The following SLC8A1 variants were observed in gnomAD, a reference collection of about 807,000 sequenced individuals.
SLC8A1 encodes the protein solute carrier family 8 member A1, also known as sodium/calcium exchanger 1.
SLC8A1 carries 18 observed loss-of-function variants against 68.3 expected under a neutral mutation model. The observed-to-expected ratio is 0.26, with a 90% confidence interval of 0.18 to 0.39. The LOEUF (loss-of-function observed/expected upper bound fraction) is 0.39. SLC8A1 is among the 10% of genes least tolerant of loss of function. The pLI, the probability that SLC8A1 is intolerant of heterozygous loss-of-function variation, is 1.00. For missense variants in SLC8A1, 985 were observed against 1,156.7 expected (o/e 0.85, Z 2.15); for synonymous variants, 475 against 415.5 (o/e 1.14, Z -1.74).
rs533366171 is a variant in SLC8A1, at chr2:40,126,792, G to T, written c.2438-11163C>A. ...CTTCTCAGCAGTGTTCATCCTCTGTGCTACCTGAAAGTTTATCATCTGTTT... is the reference window on the plus strand; with the variant it reads ...CTTCTCAGCAGTGTTCATCCTCTGTTCTACCTGAAAGTTTATCATCTGTTT... On this transcript the variant is annotated intron_variant, in intron 7 of 7. Coordinates refer to ENST00000406785, the Ensembl canonical transcript of SLC8A1. Among the ~76,000 whole-genome samples the T allele has an allele frequency of 2.0e-5, 3 of 152,184 alleles. No individual in the cohort carries two copies. In the South Asian group the frequency reaches 6.2e-4, roughly 32 times the overall value.
At chr2:40,211,274 A>G (rs557045020) in intron 2 of SLC8A1, among the ~76,000 whole-genome samples, 3 of 152,304 alleles carry the variant, frequency 2.0e-5, no homozygotes, top group African/African-American at 7.2e-5. Flanking sequence ...TTCTTCCTAT[A>G]AAGTTTTCTA....
Position 40,472,048 on chromosome 2 carries a change from C to G in SLC8A1, c.-25+40301G>C, listed in dbSNP as rs564285614. Among the ~76,000 whole-genome samples, 6 of 152,194 alleles carry G rather than the reference C, an allele frequency of 3.9e-5. No individual in the cohort carries two copies. The East Asian group carries it at 1.2e-3, about 29-fold the overall frequency. ...GAACAAACATGACCTATGTCTGAAC[C>G]GGGGGAATTGTAAACATGGGGCATG... On this transcript the variant is annotated intron_variant, in intron 1 of 7. Coordinates refer to the SLC8A1 transcript ENST00000402441.
chr2:40,371,602 C>A lies in SLC8A1; in HGVS notation c.1808+56871G>T, dbSNP rs563626634. Among the ~76,000 whole-genome samples the A allele has an allele frequency of 5.3e-5, 8 of 152,222 alleles. No individual in the cohort carries two copies. In the East Asian group the frequency reaches 1.6e-3, roughly 30 times the overall value. On this transcript the variant is annotated intron_variant, in intron 2 of 7. Transcript: ENST00000406785. The stretch of plus-strand genomic sequence containing the variant: ...AAGCACAATACATAGTCAACTTGCA[C>A]ATAGTGAATGCTCAATAAATCCTAG...
chr2:40,444,141 C>G (rs1701010526), intron 1 of SLC8A1, among the ~76,000 whole-genome samples: 1 of 152,078 alleles, frequency 6.6e-6, no homozygotes, highest in Non-Finnish European at 1.5e-5. Flanking sequence ...CAAGACCAGT[C>G]TGGGCAACAT....
intron 2 of SLC8A1, among the ~76,000 whole-genome samples, chr2:40,267,535 G>T (rs1055206440): frequency 6.6e-6 from 1 of 152,170 alleles, no homozygotes; most frequent in African/African-American, 2.4e-5. Flanking sequence ...CCTCAACTCA[G>T]TTGTAAGCTT....
At chr2:40,156,431 T>C (rs1219809245) in intron 6 of SLC8A1, among the ~76,000 whole-genome samples, 2 of 151,026 alleles carry the variant, frequency 1.3e-5, no homozygotes, top group African/African-American at 2.4e-5. Flanking sequence ...ATGTCTGATA[T>C]GCAAATGGAT....
chr2:40,243,260 T>C (rs1330109839), intron 2 of SLC8A1, among the ~76,000 whole-genome samples: 2 of 152,144 alleles, frequency 1.3e-5, no homozygotes, highest in Non-Finnish European at 2.9e-5. Flanking sequence ...AGTGGGTGGA[T>C]TGCTTGAGCC....
At chr2:40,417,055 T>G (rs1330322440) in intron 2 of SLC8A1, among the ~76,000 whole-genome samples, 1 of 152,138 alleles carries the variant, frequency 6.6e-6, no homozygotes, top group Non-Finnish European at 1.5e-5. Context: ...CATTTTAAAA[T>G]GTCTTAGGTT....
intron 2 of SLC8A1, among the ~76,000 whole-genome samples, chr2:40,412,230 C>T (rs1692364767): frequency 6.6e-6 from 1 of 152,040 alleles, no homozygotes; most frequent in Non-Finnish European, 1.5e-5. Context: ...CAACTGCGAC[C>T]ATGTCTATAA....
chr2:40,445,574 T>C (rs553612225), intron 1 of SLC8A1, among the ~76,000 whole-genome samples: 8 of 152,344 alleles, frequency 5.3e-5, no homozygotes, highest in Non-Finnish European at 1.2e-4. Context: ...ATTTGCTTAT[T>C]TGTAAAATAT....
chr2:40,309,069 A>G (rs1403917782), intron 2 of SLC8A1, among the ~76,000 whole-genome samples: 1 of 151,834 alleles, frequency 6.6e-6, no homozygotes, highest in Non-Finnish European at 1.5e-5. Context: ...TTTGCAGTGA[A>G]AAAAAAAGCT....
chr2:40,400,969 C>T (rs911405406), intron 2 of SLC8A1, among the ~76,000 whole-genome samples: 1 of 152,172 alleles, frequency 6.6e-6, no homozygotes, highest in African/African-American at 2.4e-5. Flanking sequence ...GGAAGCCACA[C>T]AGAATTTTGG....
chr2:40,396,567 T>G (rs540316128), intron 2 of SLC8A1, among the ~76,000 whole-genome samples: 160 of 152,062 alleles, frequency 1.1e-3, no homozygotes, highest in African/African-American at 3.6e-3. Flanking sequence ...CTTTTTCAAT[T>G]ATGTACATAA....
chr2:40,481,543 G>C (rs1341817469), intron 1 of SLC8A1, among the ~76,000 whole-genome samples: 1 of 152,130 alleles, frequency 6.6e-6, no homozygotes, highest in Non-Finnish European at 1.5e-5. Context: ...TCTGATAACT[G>C]TTAGATCCTT....
At chr2:40,337,300 G>A in intron 2 of SLC8A1, 1 of 351,360 alleles carries the variant, frequency 2.8e-6, no homozygotes, top group Non-Finnish European at 6.4e-6. Context: ...GTATGTTTAT[G>A]CATCATCATA....
chr2:40,140,635 A>G (rs1003205348), intron 6 of SLC8A1, among the ~76,000 whole-genome samples: 2 of 152,232 alleles, frequency 1.3e-5, no homozygotes, highest in African/African-American at 4.8e-5. Context: ...AAGTTTGAGA[A>G]CCGCTTTTCT....
At chr2:40,279,665 A>G (rs1049779096) in intron 2 of SLC8A1, among the ~76,000 whole-genome samples, 2 of 152,206 alleles carry the variant, frequency 1.3e-5, no homozygotes, top group African/African-American at 4.8e-5. Flanking sequence ...TGTGCTCTGG[A>G]AATCCTATTT....
chr2:40,185,105 A>G (rs1244967300), intron 2 of SLC8A1, among the ~76,000 whole-genome samples: 5 of 152,184 alleles, frequency 3.3e-5, no homozygotes, highest in African/African-American at 7.2e-5. Flanking sequence ...AAGACAGACA[A>G]TAACAAGTCT....
chr2:40,238,701 T>A (rs2060787457), intron 2 of SLC8A1, among the ~76,000 whole-genome samples: 1 of 152,244 alleles, frequency 6.6e-6, no homozygotes. Context: ...ATTCCTTAAA[T>A]CTGTATAGTC....
Sources: allele counts gnomAD v4.1 joint callset (sites outside exome capture counted in the v4.1 genomes callset), GRCh38; gene constraint gnomAD v4.1.1; transcripts MANE v1.5; gene names NCBI Gene and HGNC (gene_info 2026-07-23, HGNC 2026-07-21).